RHOBTB1: variants seen among roughly 807,000 people sequenced by gnomAD.
RHOBTB1 encodes Rho related BTB domain containing 1.
Under a neutral mutation model 71.6 loss-of-function variants are expected in RHOBTB1, and 40 were observed. That is an observed-to-expected ratio of 0.56 (90% CI 0.43 to 0.73). RHOBTB1 has a LOEUF of 0.73. Among genes scored for constraint, RHOBTB1 ranks in the 30% least tolerant of loss-of-function variants. RHOBTB1 has a pLI of 0.00. For missense variants in RHOBTB1, 797 were observed against 894.0 expected, an observed-to-expected ratio of 0.89 and a Z score of 1.38; for synonymous variants, 319 against 334.9, an observed-to-expected ratio of 0.95 and a Z score of 0.52.
Position 60,941,850 on chromosome 10 carries a change from C to T in RHOBTB1, c.-57G>A, listed in dbSNP as rs1424715602. 6.6e-6 allele frequency: 1 copy of T among 152,520 alleles called. No individual in the cohort carries two copies. The highest frequency in any genetic ancestry group is 2.4e-5 in the African/African-American group (1 of 41,408). The allele number at this position is 152,520 out of a possible 1,614,324, so 9.4% of individuals were successfully genotyped here. On this transcript the variant is annotated 5_prime_UTR_variant, in exon 2 of 11. Coordinates refer to ENST00000337910, the MANE Select transcript of RHOBTB1 (RefSeq NM_014836.5). ...ACAGAACACTCTGCTCACAGCTGGA[C>T]TTACCTACATAAAAGAGAGAAATAC...
At chr10:60,874,243 T>G (rs954790459) in intron 9 of RHOBTB1, among the ~76,000 whole-genome samples, 7 of 152,244 alleles carry the variant, frequency 4.6e-5, no homozygotes, top group African/African-American at 1.7e-4. Flanking sequence ...AATCAGCCTG[T>G]GCCAGGGACT....
At chr10:60,900,961 T>C (rs1158099265) in intron 4 of RHOBTB1, among the ~76,000 whole-genome samples, 1 of 152,190 alleles carries the variant, frequency 6.6e-6, no homozygotes. Flanking sequence ...GCATTAATAA[T>C]TTCTTCCAGG....
chr10:60,946,479 A>C (rs2085241183), upstream of RHOBTB1, among the ~76,000 whole-genome samples: 1 of 152,182 alleles, frequency 6.6e-6, no homozygotes. Context: ...TAATCCCCAC[A>C]ACAACTGATG....
At chr10:60,975,065 C>T (rs1462625877) in intron 2 of RHOBTB1, among the ~76,000 whole-genome samples, 1 of 151,940 alleles carries the variant, frequency 6.6e-6, no homozygotes, top group Admixed American at 6.6e-5. Context: ...AGCAGCATGC[C>T]AATATACTAA....
downstream of RHOBTB1, among the ~76,000 whole-genome samples, chr10:60,864,541 CA>C (rs1178687915): frequency 6.6e-6 from 1 of 151,680 alleles, no homozygotes; most frequent in Non-Finnish European, 1.5e-5. Flanking sequence ...CAAATATAAG[CA>C]AAAAAAGAGC....
chr10:60,902,313 T>C (rs2082449739), intron 4 of RHOBTB1, among the ~76,000 whole-genome samples: 1 of 152,222 alleles, frequency 6.6e-6, no homozygotes, highest in African/African-American at 2.4e-5. Flanking sequence ...TTTGTATGCA[T>C]GTAGTCTAAC....
At chr10:60,995,068 A>C (rs2087002204) in intron 1 of RHOBTB1, among the ~76,000 whole-genome samples, 1 of 152,026 alleles carries the variant, frequency 6.6e-6, no homozygotes, top group African/African-American at 2.4e-5. Flanking sequence ...TCAATACATT[A>C]AGGTGTGACT....
intron 2 of RHOBTB1, among the ~76,000 whole-genome samples, chr10:60,961,534 A>C (rs1332996225): frequency 6.6e-6 from 1 of 152,168 alleles, no homozygotes; most frequent in Non-Finnish European, 1.5e-5. Context: ...GCCTCATAAG[A>C]ATGTCACATG....
chr10:60,973,825 G>A (rs1376728062), intron 2 of RHOBTB1, among the ~76,000 whole-genome samples: 4 of 152,050 alleles, frequency 2.6e-5, no homozygotes, highest in Non-Finnish European at 5.9e-5. Context: ...TTTCTTCAAA[G>A]TGAGGAGGGA....
At chr10:60,987,919 C>CTTGTT (rs2086721107) in intron 1 of RHOBTB1, among the ~76,000 whole-genome samples, 1 of 53,684 alleles carries the variant, frequency 1.9e-5, no homozygotes, top group African/African-American at 7.3e-5. Flanking sequence ...AAATACTCAA[C>CTTGTT]TTTTTTTTTT....
intron 7 of RHOBTB1, 131 bp downstream of exon 7, chr10:60,885,981 T>C (rs1040059732): frequency 9.8e-6 from 7 of 714,450 alleles, no homozygotes; most frequent in Admixed American, 6.6e-5. Context: ...TGATTATGAC[T>C]AACAGTATGA....
chr10:60,959,384 G>A (rs2085704688), intron 2 of RHOBTB1, among the ~76,000 whole-genome samples: 3 of 152,108 alleles, frequency 2.0e-5, no homozygotes, highest in South Asian at 4.1e-4. Context: ...GAGGAACAAT[G>A]CCAAATACTG....
At chr10:60,884,671 C>A (rs2081484534) in intron 7 of RHOBTB1, among the ~76,000 whole-genome samples, 1 of 152,140 alleles carries the variant, frequency 6.6e-6, no homozygotes, top group Admixed American at 6.6e-5. Flanking sequence ...GAGGAAAATT[C>A]TGTCATTCAA....
chr10:60,860,874 T>C, the RHOBTB1 span, among the ~76,000 whole-genome samples: 1 of 152,184 alleles, frequency 6.6e-6, no homozygotes, highest in Admixed American at 6.5e-5. Flanking sequence ...GGTATGTTCA[T>C]TTATTGTTGT....
chr10:60,963,434 G>A (rs1170246642), intron 2 of RHOBTB1, among the ~76,000 whole-genome samples: 1 of 152,122 alleles, frequency 6.6e-6, no homozygotes, highest in East Asian at 1.9e-4. Flanking sequence ...CTGCAAAAAG[G>A]CTCCTTTGAA....
At chr10:60,983,517 ATTTC>A (rs1422135515) in intron 2 of RHOBTB1, among the ~76,000 whole-genome samples, 8 of 152,164 alleles carry the variant, frequency 5.3e-5, no homozygotes, top group Admixed American at 1.3e-4. Flanking sequence ...TTAGGATATC[ATTTC>A]TTTCTTTCTT....
At chr10:60,995,738 C>A (rs556991943) in intron 1 of RHOBTB1, among the ~76,000 whole-genome samples, 1 of 151,940 alleles carries the variant, frequency 6.6e-6, no homozygotes, top group South Asian at 2.1e-4. Context: ...TTGTTTCTGC[C>A]CTTATTGTTT....
Position 60,893,023 on chromosome 10 carries a change from T to C in RHOBTB1, c.297-28A>G, listed in dbSNP as rs770128049. On this transcript the variant is annotated intron_variant, in intron 4 of 10. Transcript: ENST00000337910. ...AAAAGGAAATCATAAAAGAAGCTTG[T>C]ATTGCCTTTTAACAGGTTTTTTCTT... 4 of 1,574,974 alleles carry C rather than the reference T, an allele frequency of 2.5e-6. No homozygotes were observed. The Admixed American group carries it at 5.3e-5, about 21-fold the overall frequency.
the RHOBTB1 span, among the ~76,000 whole-genome samples, chr10:60,861,204 A>G: frequency 6.6e-6 from 1 of 152,202 alleles, no homozygotes; most frequent in Non-Finnish European, 1.5e-5. Context: ...TTTAGGTTAT[A>G]GGACGTTCTG....
Sources: allele counts gnomAD v4.1 joint callset (sites outside exome capture counted in the v4.1 genomes callset), GRCh38; gene constraint gnomAD v4.1.1; transcripts MANE v1.5; gene names NCBI Gene and HGNC (gene_info 2026-07-23, HGNC 2026-07-21).